NUP210L: variants seen among roughly 807,000 people sequenced by gnomAD.
The protein encoded by NUP210L is nucleoporin 210 like.
Under a neutral mutation model 208.5 loss-of-function variants are expected in NUP210L, and 74 were observed. The observed-to-expected ratio is 0.35, with a 90% CI of 0.29 to 0.43. The LOEUF is 0.43. NUP210L is among the 20% of genes least tolerant of loss of function. The pLI, the probability that NUP210L is intolerant of heterozygous loss-of-function variation, is 1.00. For synonymous variants in NUP210L, 780 were observed against 816.9 expected (o/e 0.95, Z 0.77); for missense variants, 1,843 against 2,289.4 (o/e 0.81, Z 3.98).
At chr1:154,124,392 G>A (rs980896551) in intron 10 of NUP210L, among the ~76,000 whole-genome samples, 3 of 152,118 alleles carry the variant, frequency 2.0e-5, no homozygotes, top group Admixed American at 1.3e-4. Flanking sequence ...TTTGGGAGAG[G>A]AAAGCAGGTT....
At chr1:154,138,298 A>G in intron 5 of NUP210L, 60 bp from the exon 6 acceptor site, 1 of 1,436,870 alleles carries the variant, frequency 7.0e-7, no homozygotes, top group Non-Finnish European at 9.3e-7. Context: ...CCTCACAGTC[A>G]TCTTTCTTGT....
chr1:154,111,828 A>G, intron 12 of NUP210L, among the ~76,000 whole-genome samples: 1 of 151,810 alleles, frequency 6.6e-6, no homozygotes, highest in East Asian at 1.9e-4. Context: ...AAGACTTATT[A>G]AAAACAAAAC....
intron 17 of NUP210L, among the ~76,000 whole-genome samples, chr1:154,066,283 A>T (rs1280592634): frequency 6.6e-6 from 1 of 152,220 alleles, no homozygotes; most frequent in Non-Finnish European, 1.5e-5. Flanking sequence ...ATCAGAGCAG[A>T]ACTGAAGGAG....
At chr1:154,118,422 C>CA (rs1390766488) in intron 11 of NUP210L, among the ~76,000 whole-genome samples, 1 of 151,798 alleles carries the variant, frequency 6.6e-6, no homozygotes, top group Non-Finnish European at 1.5e-5. Context: ...CACAAAATGT[C>CA]AAAAAAAGAC....
At chr1:154,024,669 T>C (rs1244649901) in intron 30 of NUP210L, among the ~76,000 whole-genome samples, 1 of 150,048 alleles carries the variant, frequency 6.7e-6, no homozygotes, top group Non-Finnish European at 1.5e-5. Flanking sequence ...ACTGCAGACA[T>C]GTGCCACCAA....
At chr1:154,118,854 T>G in intron 10 of NUP210L, 46 bp from the exon 11 acceptor site, 1 of 1,236,072 alleles carries the variant, frequency 8.1e-7, no homozygotes, top group Non-Finnish European at 1.1e-6. Flanking sequence ...ATAAGGACTA[T>G]TCTTATAATA....
intron 10 of NUP210L, among the ~76,000 whole-genome samples, chr1:154,125,993 C>T (rs538835753): frequency 2.0e-5 from 3 of 151,680 alleles, no homozygotes; most frequent in South Asian, 2.1e-4. Context: ...TGGTCTCGAT[C>T]TCCTGACCTC....
Position 154,112,170 on chromosome 1 carries a change from G to GGTTATCCA in NUP210L, c.1620+5554_1620+5555insTGGATAAC, listed in dbSNP as rs1253750832. Reference sequence around the variant, plus strand: ...TCTTGATCTCTTGACCTTGTGATCTGCCTGCCTCAGCCTCTCAAAGTGCTA... The same window carrying GGTTATCCA: ...TCTTGATCTCTTGACCTTGTGATCTGGTTATCCACCTGCCTCAGCCTCTCAAAGTGCTA... On this transcript the variant is annotated intron_variant, in intron 12 of 39. Coordinates refer to ENST00000368559, the Ensembl canonical transcript of NUP210L. Among the ~76,000 whole-genome samples the GGTTATCCA allele has an allele frequency of 9.5e-3, 1,428 of 150,714 alleles. 33 individuals carry two copies. The highest frequency in any genetic ancestry group is 0.035 in the African/African-American group (1,392 of 40,098).
At chr1:154,124,173 T>G (rs1571301765) in intron 10 of NUP210L, among the ~76,000 whole-genome samples, 4 of 123,040 alleles carry the variant, frequency 3.3e-5, no homozygotes, top group African/African-American at 3.3e-5. Flanking sequence ...GGCAACAGAG[T>G]GAGACTCCAT....
intron 33 of NUP210L, among the ~76,000 whole-genome samples, chr1:154,018,223 T>A (rs556971928): frequency 4.1e-4 from 63 of 152,254 alleles, no homozygotes; most frequent in African/African-American, 1.4e-3. Context: ...CCTCCCACTT[T>A]GGCTTCCCAA....
chr1:154,143,507 G>T, exon 3 of NUP210L: 2 of 1,613,766 alleles, frequency 1.2e-6, no homozygotes, highest in East Asian at 4.5e-5. Context: ...AAAGTTCCCG[G>T]GCCCGAGATA....
intron 10 of NUP210L, among the ~76,000 whole-genome samples, chr1:154,125,519 G>T (rs1182081085): frequency 1.3e-5 from 2 of 150,360 alleles, no homozygotes; most frequent in African/African-American, 4.9e-5. Context: ...CTACTTGGGG[G>T]GCTAAGGTGG....
chr1:154,052,816 G>A (rs1653592335), intron 25 of NUP210L, among the ~76,000 whole-genome samples: 1 of 152,232 alleles, frequency 6.6e-6, no homozygotes, highest in Non-Finnish European at 1.5e-5. Context: ...CAGAGATGCT[G>A]CACAGTCATT....
At chr1:154,085,568 A>T (rs1655583386) in intron 16 of NUP210L, among the ~76,000 whole-genome samples, 1 of 152,150 alleles carries the variant, frequency 6.6e-6, no homozygotes, top group South Asian at 2.1e-4. Context: ...CCTCAAACTG[A>T]TCTACAGATT....
intron 13 of NUP210L, among the ~76,000 whole-genome samples, chr1:154,100,510 G>A (rs1022433210): frequency 2.4e-5 from 3 of 126,576 alleles, no homozygotes; most frequent in Admixed American, 1.0e-4. Context: ...TTAGTTTTTG[G>A]CTTTGTTTTT....
chr1:154,088,071 C>A (rs564466757), intron 16 of NUP210L, among the ~76,000 whole-genome samples: 16 of 152,276 alleles, frequency 1.1e-4, no homozygotes, highest in African/African-American at 3.6e-4. Context: ...GACGCGGTAG[C>A]TCACGCCTCT....
chr1:154,137,314 A>C (rs972789570), intron 6 of NUP210L, among the ~76,000 whole-genome samples: 17 of 152,134 alleles, frequency 1.1e-4, no homozygotes, highest in Non-Finnish European at 2.1e-4. Context: ...GCACTTTGGG[A>C]GGCTGAGGCA....
chr1:154,120,308 T>A (rs1486424209), intron 10 of NUP210L, among the ~76,000 whole-genome samples: 1 of 152,078 alleles, frequency 6.6e-6, no homozygotes, highest in Non-Finnish European at 1.5e-5. Context: ...TAAAAAAGGG[T>A]GAGTTCATGT....
At chr1:154,040,838 G>T (rs1033808664) in intron 27 of NUP210L, among the ~76,000 whole-genome samples, 12 of 152,062 alleles carry the variant, frequency 7.9e-5, no homozygotes. Flanking sequence ...TGATCCGCCC[G>T]CCTCGGCCTC....
Sources: gnomAD v4.1 joint callset for allele counts (sites outside exome capture counted in the v4.1 genomes callset) on GRCh38, gnomAD v4.1.1 for gene constraint, MANE v1.5 for transcripts, NCBI Gene and HGNC (gene_info 2026-07-23, HGNC 2026-07-21) for gene names.